The following PDE1C variants were observed in gnomAD, a reference collection of about 807,000 sequenced individuals.
PDE1C encodes the protein dual specificity calcium/calmodulin-dependent 3',5'-cyclic nucleotide phosphodiesterase 1C.
Under a neutral mutation model 93.1 loss-of-function variants are expected in PDE1C, and 62 were observed. The ratio of observed to expected loss-of-function variants is 0.67; its 90% CI spans 0.54 to 0.82. The LOEUF (loss-of-function observed/expected upper bound fraction) is 0.82, where lower values mean the gene tolerates loss of function less well. Among genes scored for constraint, PDE1C ranks in the 40% least tolerant of loss-of-function variants. The pLI, the probability that PDE1C is intolerant of heterozygous loss-of-function variation, is 0.00. For missense variants in PDE1C, 742 were observed against 884.6 expected (o/e 0.84, Z 2.04); for synonymous variants, 325 against 310.1 (o/e 1.05, Z -0.50).
chr7:32,089,154 T>G (rs1334894775), intron 3 of PDE1C, among the ~76,000 whole-genome samples: 1 of 152,206 alleles, frequency 6.6e-6, no homozygotes, highest in Non-Finnish European at 1.5e-5. Context: ...TCCCTAAACA[T>G]AAATACTGCT....
intron 2 of PDE1C, among the ~76,000 whole-genome samples, chr7:32,172,572 C>T (rs1449349716): frequency 6.6e-6 from 1 of 152,102 alleles, no homozygotes; most frequent in Admixed American, 6.5e-5. Flanking sequence ...CCTGTAATCC[C>T]ACCACCTTGG....
At position 32,098,727 on chromosome 7, in the gene PDE1C, A is replaced by G. The variant is rs575478685; in HGVS notation, c.308+71058T>C. On this transcript the variant is annotated intron_variant, in intron 3 of 18. Transcript: ENST00000396193. ...TGGACTTTCTAGGGTACATCCAGAC[A>G]TATATCTTGGGCCTGCAGCAGGCCT... Among the ~76,000 whole-genome samples, 3 of 152,314 alleles carry G rather than the reference A, an allele frequency of 2.0e-5. No individual in the cohort carries two copies. In the East Asian group the frequency reaches 5.8e-4, roughly 29 times the overall value.
intron 1 of PDE1C, among the ~76,000 whole-genome samples, chr7:32,061,569 C>G (rs1794809770): frequency 6.6e-6 from 1 of 152,228 alleles, no homozygotes; most frequent in Non-Finnish European, 1.5e-5. Flanking sequence ...GGGCTAGGCT[C>G]CAGGCTTCAG....
intron 3 of PDE1C, among the ~76,000 whole-genome samples, chr7:32,102,565 A>G (rs1798091581): frequency 6.6e-6 from 1 of 152,216 alleles, no homozygotes; most frequent in Non-Finnish European, 1.5e-5. Flanking sequence ...TTAAATGTCA[A>G]TTCCCTTCCC....
At chr7:31,884,725 A>C (rs116331028) in intron 2 of PDE1C, among the ~76,000 whole-genome samples, 192 of 152,296 alleles carry the variant, frequency 1.3e-3, no homozygotes, top group African/African-American at 4.5e-3. Context: ...CTGCCCTGCC[A>C]TATCCTACCT....
chr7:32,327,324 A>G (rs986248638), intron 1 of PDE1C, among the ~76,000 whole-genome samples: 1 of 152,170 alleles, frequency 6.6e-6, no homozygotes, highest in African/African-American at 2.4e-5. Context: ...ATTTTCATAG[A>G]CTGAACACAC....
At chr7:32,405,807 T>G (rs1212670446) in intron 1 of PDE1C, among the ~76,000 whole-genome samples, 1 of 152,200 alleles carries the variant, frequency 6.6e-6, no homozygotes, top group Admixed American at 6.5e-5. Flanking sequence ...AGAAAGATGT[T>G]TGCTGTGCTT....
chr7:31,899,026 C>G (rs115424493), intron 2 of PDE1C, among the ~76,000 whole-genome samples: 1 of 151,962 alleles, frequency 6.6e-6, no homozygotes, highest in Non-Finnish European at 1.5e-5. Flanking sequence ...CCCTCCCTGC[C>G]TCTGTCTGAA....
intron 1 of PDE1C, among the ~76,000 whole-genome samples, chr7:32,317,504 C>T (rs1783199496): frequency 6.6e-6 from 1 of 152,084 alleles, no homozygotes; most frequent in African/African-American, 2.4e-5. Context: ...ACCCACTCCC[C>T]TGGCCCACAA....
At chr7:32,391,590 A>G (rs1784752053) in intron 1 of PDE1C, among the ~76,000 whole-genome samples, 1 of 152,220 alleles carries the variant, frequency 6.6e-6, no homozygotes, top group Non-Finnish European at 1.5e-5. Context: ...ACTACATGCT[A>G]GGGCATAAAA....
intron 1 of PDE1C, among the ~76,000 whole-genome samples, chr7:32,274,524 A>G (rs539847901): frequency 2.6e-5 from 4 of 152,220 alleles, no homozygotes; most frequent in African/African-American, 9.6e-5. Flanking sequence ...TTATTTTTCA[A>G]GTGAAAACTT....
intron 2 of PDE1C, among the ~76,000 whole-genome samples, chr7:31,984,435 G>A (rs1783101622): frequency 6.6e-6 from 1 of 152,124 alleles, no homozygotes; most frequent in South Asian, 2.1e-4. Flanking sequence ...GGAGACTGCT[G>A]GGCTAGATCA....
chr7:31,953,658 T>C (rs1460510839), intron 2 of PDE1C, among the ~76,000 whole-genome samples: 1 of 152,184 alleles, frequency 6.6e-6, no homozygotes, highest in South Asian at 2.1e-4. Flanking sequence ...CTGAGAGAAA[T>C]GCATGTTGAC....
chr7:31,702,378 T>C, the PDE1C span, among the ~76,000 whole-genome samples: 8 of 152,110 alleles, frequency 5.3e-5, no homozygotes, highest in Non-Finnish European at 1.2e-4. Context: ...CGGGGGAGGC[T>C]CTGAACTTCC....
At chr7:31,621,276 G>C in the PDE1C span, among the ~76,000 whole-genome samples, 1 of 109,442 alleles carries the variant, frequency 9.1e-6, no homozygotes, top group Non-Finnish European at 1.9e-5. Flanking sequence ...GATACTCCTC[G>C]AGAAGAGCAA....
intron 1 of PDE1C, among the ~76,000 whole-genome samples, chr7:32,274,240 C>T (rs968858208): frequency 1.3e-5 from 2 of 148,456 alleles, no homozygotes; most frequent in South Asian, 2.1e-4. Flanking sequence ...CGGGCTCTTG[C>T]TCTGTCAGCT....
intron 2 of PDE1C, among the ~76,000 whole-genome samples, chr7:31,966,751 C>A (rs1429337192): frequency 1.3e-5 from 2 of 152,186 alleles, no homozygotes; most frequent in South Asian, 4.1e-4. Context: ...GAAATTATAA[C>A]AGACTGTCTC....
intron 12 of PDE1C, among the ~76,000 whole-genome samples, chr7:31,827,725 C>T (rs1789872758): frequency 2.0e-5 from 3 of 152,036 alleles, no homozygotes; most frequent in Admixed American, 2.0e-4. Context: ...CACTGGTGTC[C>T]TCTCCCACAG....
chr7:32,073,841 T>C (rs932666053), upstream of PDE1C, among the ~76,000 whole-genome samples: 4 of 152,128 alleles, frequency 2.6e-5, no homozygotes, highest in Middle Eastern at 3.2e-3. Flanking sequence ...CAGATGCAAA[T>C]AGACCTGGAA....
Sources: gnomAD v4.1 joint callset for allele counts (sites outside exome capture counted in the v4.1 genomes callset) on GRCh38, gnomAD v4.1.1 for gene constraint, MANE v1.5 for transcripts, NCBI Gene and HGNC (gene_info 2026-07-23, HGNC 2026-07-21) for gene names.